The following EPB41L4B variants were observed in gnomAD, a reference collection of about 807,000 sequenced individuals.
EPB41L4B encodes erythrocyte membrane protein band 4.1 like 4B.
EPB41L4B carries 30 observed loss-of-function variants against 112.5 expected under a neutral mutation model. That is an observed-to-expected ratio of 0.27 (90% CI 0.20 to 0.36). The LOEUF is 0.36. EPB41L4B is among the 10% of genes least tolerant of loss of function. The pLI is 1.00. For synonymous variants in EPB41L4B, 408 were observed against 439.7 expected, an observed-to-expected ratio of 0.93 and a Z score of 0.90; for missense variants, 1,024 against 1,133.3, an observed-to-expected ratio of 0.90 and a Z score of 1.38.
chr9:109,234,581 C>T (rs1834072722), intron 15 of EPB41L4B, among the ~76,000 whole-genome samples: 1 of 152,194 alleles, frequency 6.6e-6, no homozygotes, highest in African/African-American at 2.4e-5. Context: ...AAAAAGGCAA[C>T]AGGCCAGGTG....
rs766815544 is a variant in EPB41L4B at position 109,243,611 on chromosome 9, C to A, written c.1409+7G>T. The A allele has an allele frequency of 1.6e-5, 26 of 1,614,020 alleles. No homozygotes were observed. Among genetic ancestry groups the A allele is most frequent in the Non-Finnish European group, 2.1e-5 (25 of 1,179,908 alleles). On this transcript the variant is annotated splice_region_variant and intron_variant, in intron 15 of 25. Transcript: ENST00000374566. ...GAAGGTGCAGCTCTGGAAGCACCAG[C>A]ACTTACCTGACATTTGGAGAGTGAG...
chr9:109,273,030 G>T (rs1835683994), intron 2 of EPB41L4B, among the ~76,000 whole-genome samples: 2 of 152,090 alleles, frequency 1.3e-5, no homozygotes, highest in Admixed American at 1.3e-4. Context: ...GCCTGTGGGG[G>T]GATCTTTCCT....
chr9:109,237,469 A>C (rs1159595799), intron 15 of EPB41L4B, among the ~76,000 whole-genome samples: 3 of 152,222 alleles, frequency 2.0e-5, no homozygotes, highest in African/African-American at 7.2e-5. Flanking sequence ...GTGTGGTTTT[A>C]CTGTCAAGTA....
intron 2 of EPB41L4B, 43 bp from the exon 3 acceptor site, chr9:109,268,476 C>A: frequency 1.3e-6 from 2 of 1,562,054 alleles, no homozygotes; most frequent in South Asian, 1.2e-5. Flanking sequence ...AGTTCATCAG[C>A]AAGGTTATTC....
intron 1 of EPB41L4B, among the ~76,000 whole-genome samples, chr9:109,305,502 CA>C (rs1483231508): frequency 3.3e-5 from 5 of 151,634 alleles, no homozygotes; most frequent in Non-Finnish European, 7.4e-5. Context: ...CCTGTAATCC[CA>C]ACTACTCGGG....
At chr9:109,305,676 ACTTTGGGAGGC>A (rs1480617454) in intron 1 of EPB41L4B, among the ~76,000 whole-genome samples, 2 of 151,936 alleles carry the variant, frequency 1.3e-5, no homozygotes, top group Non-Finnish European at 2.9e-5. Context: ...TAATCCTAGC[ACTTTGGGAGGC>A]TGCGGTGGGC....
At chr9:109,263,165 C>A in intron 5 of EPB41L4B, 63 bp from the exon 6 acceptor site, 1 of 1,049,518 alleles carries the variant, frequency 9.5e-7, no homozygotes, top group South Asian at 1.4e-5. Context: ...TACAAAATGT[C>A]ATTAAAATCA....
chr9:109,231,392 T>G (rs1833947745), intron 15 of EPB41L4B, among the ~76,000 whole-genome samples: 1 of 152,202 alleles, frequency 6.6e-6, no homozygotes, highest in African/African-American at 2.4e-5. Context: ...TTCTTCAACA[T>G]ACCAGCACTG....
chr9:109,260,125 G>A (rs1342383326), intron 6 of EPB41L4B, among the ~76,000 whole-genome samples: 1 of 151,806 alleles, frequency 6.6e-6, no homozygotes, highest in East Asian at 1.9e-4. Context: ...GGAGTGCAGT[G>A]GCGTGATCAC....
At chr9:109,319,924 G>A (rs1837788799) in intron 1 of EPB41L4B, among the ~76,000 whole-genome samples, 1 of 152,158 alleles carries the variant, frequency 6.6e-6, no homozygotes, top group South Asian at 2.1e-4. Context: ...GGCGCAATGT[G>A]CCAAGGAGGG....
chr9:109,249,953 A>G (rs1362124394), intron 13 of EPB41L4B, among the ~76,000 whole-genome samples: 1 of 152,190 alleles, frequency 6.6e-6, no homozygotes. Context: ...CCAGCTGTGT[A>G]ATATGAGGGA....
At chr9:109,194,169 T>C (rs772745850) in intron 21 of EPB41L4B, 51 bp downstream of exon 21, 2 of 1,581,378 alleles carry the variant, frequency 1.3e-6, no homozygotes, top group African/African-American at 2.7e-5. Context: ...AAATTGATAC[T>C]GAATTCCCAG....
chr9:109,297,255 C>T (rs967063650), intron 1 of EPB41L4B, among the ~76,000 whole-genome samples: 8 of 152,158 alleles, frequency 5.3e-5, no homozygotes, highest in Admixed American at 4.6e-4. Flanking sequence ...CCAACCCTGC[C>T]GTACCACGAT....
intron 2 of EPB41L4B, among the ~76,000 whole-genome samples, chr9:109,277,286 T>G (rs1588200730): frequency 7.4e-6 from 1 of 134,392 alleles, no homozygotes; most frequent in Middle Eastern, 4.0e-3. Flanking sequence ...CCGCTCCAGG[T>G]GTAGAGAGTA....
intron 1 of EPB41L4B, among the ~76,000 whole-genome samples, chr9:109,292,135 T>G (rs2119183726): frequency 6.6e-6 from 1 of 152,296 alleles, no homozygotes; most frequent in South Asian, 2.1e-4. Flanking sequence ...GGACCTCAAT[T>G]CCTGTCTACC....
At chr9:109,210,508 G>A (rs1336659375) in intron 17 of EPB41L4B, among the ~76,000 whole-genome samples, 1 of 152,158 alleles carries the variant, frequency 6.6e-6, no homozygotes, top group African/African-American at 2.4e-5. Flanking sequence ...AAAATAGAAT[G>A]CTGCTAAAAT....
In EPB41L4B at chr9:109,233,711, T is replaced by C. The variant is rs550376088; in HGVS notation, c.1409+9907A>G. 2.3e-3 allele frequency among the ~76,000 whole-genome samples: 353 copies of C among 152,212 alleles called. 3 individuals are homozygous for C. Among genetic ancestry groups the C allele is most frequent in the Non-Finnish European group, 2.2e-3 (150 of 68,004 alleles). On this transcript the variant is annotated intron_variant, in intron 15 of 25. Coordinates refer to ENST00000374566, the MANE Select transcript of EPB41L4B (RefSeq NM_019114.5). ...AGGTCCAGCTAATTGTTTGTATTTTTAGCAGAGATGGGGTTTTGCCATGCT... is the reference window on the plus strand; with the variant it reads ...AGGTCCAGCTAATTGTTTGTATTTTCAGCAGAGATGGGGTTTTGCCATGCT...
At chr9:109,204,623 C>G (rs570304922) in intron 18 of EPB41L4B, among the ~76,000 whole-genome samples, 48 of 152,274 alleles carry the variant, frequency 3.2e-4, no homozygotes, top group Middle Eastern at 6.8e-3. Flanking sequence ...TCCAGATTAG[C>G]TGGGACTACA....
rs77546586 is a variant in EPB41L4B, at chr9:109,312,517, C to A, written c.306+7624G>T. 3.2e-3 allele frequency among the ~76,000 whole-genome samples: 484 copies of A among 152,258 alleles called. 2 individuals carry two copies. Among genetic ancestry groups the A allele is most frequent in the African/African-American group, 0.011 (459 of 41,530 alleles). On this transcript the variant is annotated intron_variant, in intron 1 of 25. Coordinates refer to ENST00000374566, the MANE Select transcript of EPB41L4B (RefSeq NM_019114.5). ...GGGCAAGCTCAGAGCCCTCCCACCC[C>A]CCTCGCCCAGCTGTGCTGTCAGAGA...
Sources: gnomAD v4.1 joint callset for allele counts (sites outside exome capture counted in the v4.1 genomes callset) on GRCh38, gnomAD v4.1.1 for gene constraint, MANE v1.5 for transcripts, NCBI Gene and HGNC (gene_info 2026-07-23, HGNC 2026-07-21) for gene names.